Variants in OR10J1 observed in about 807,000 individuals in gnomAD.
The protein encoded by OR10J1 is olfactory receptor 10J1.
For missense variants in OR10J1, 474 were observed against 376.6 expected (o/e 1.26, Z -2.14); for synonymous variants, 202 against 143.8 (o/e 1.40, Z -2.89).
Position 159,440,930 on chromosome 1 carries a change from C to T in OR10J1, c.*209C>T. 3.8e-6 allele frequency: 2 copies of T among 522,300 alleles called. No homozygotes were observed. 32.4% of individuals were successfully genotyped at this position (522,300 alleles called of 1,614,324 possible). ...CTATTTTTGGGGATAAATAGACAAACAAGGATAAGATATGCCTAAATAAAA... is the reference window on the plus strand; with the variant it reads ...CTATTTTTGGGGATAAATAGACAAATAAGGATAAGATATGCCTAAATAAAA... On this transcript the variant is annotated 3_prime_UTR_variant, in exon 1 of 1. Transcript: ENST00000423932.
chr1:159,402,850 A>T, the OR10J1 span, among the ~76,000 whole-genome samples: 1 of 152,140 alleles, frequency 6.6e-6, no homozygotes, highest in Non-Finnish European at 1.5e-5. Flanking sequence ...ACATTACCTG[A>T]CTTCAAATTA....
At chr1:159,422,233 C>CTT in the OR10J1 span, among the ~76,000 whole-genome samples, 3 of 152,098 alleles carry the variant, frequency 2.0e-5, no homozygotes, top group African/African-American at 7.2e-5. Flanking sequence ...GTGGTGCATT[C>CTT]AGGTATTGGC....
chr1:159,405,063 T>C, the OR10J1 span, among the ~76,000 whole-genome samples: 2 of 152,140 alleles, frequency 1.3e-5, no homozygotes, highest in East Asian at 1.9e-4. Flanking sequence ...ATGGGCTCCA[T>C]AGGGTGAGGG....
At chr1:159,432,659 T>C in the OR10J1 span, 1 of 430,738 alleles carries the variant, frequency 2.3e-6, no homozygotes. Flanking sequence ...CCTGGAACAT[T>C]GGCCTGAGCA....
chr1:159,427,371 G>T, the OR10J1 span, among the ~76,000 whole-genome samples: 8 of 151,550 alleles, frequency 5.3e-5, no homozygotes, highest in African/African-American at 1.9e-4. Context: ...TTTAAGTTTG[G>T]ATAGTTGAAG....
the OR10J1 span, among the ~76,000 whole-genome samples, chr1:159,398,388 G>A: frequency 6.6e-6 from 1 of 152,146 alleles, no homozygotes; most frequent in Non-Finnish European, 1.5e-5. Context: ...AGGAAAACAT[G>A]ACCTTACCAA....
upstream of OR10J1, among the ~76,000 whole-genome samples, chr1:159,438,290 G>A (rs376020962): frequency 8.5e-5 from 13 of 152,286 alleles, 1 homozygote; most frequent in South Asian, 2.5e-3. Context: ...TATTTTAGCC[G>A]TGTGTTTCTC....
chr1:159,405,387 C>G, the OR10J1 span: 4,030 of 156,230 alleles, frequency 0.026, 173 homozygotes, highest in African/African-American at 0.092. Context: ...ACTGCCAAAA[C>G]TTTGGAGAAG....
the OR10J1 span, among the ~76,000 whole-genome samples, chr1:159,406,826 G>C: frequency 2.0e-5 from 3 of 152,092 alleles, no homozygotes; most frequent in Non-Finnish European, 4.4e-5. Flanking sequence ...CCATCAGTAT[G>C]AATTGCCAGC....
the OR10J1 span, among the ~76,000 whole-genome samples, chr1:159,411,483 G>A: frequency 3.9e-5 from 6 of 152,168 alleles, no homozygotes; most frequent in African/African-American, 9.6e-5. Context: ...GATCTTTGTT[G>A]GTTTAAAGTC....
chr1:159,399,092 C>T, the OR10J1 span, among the ~76,000 whole-genome samples: 6 of 151,874 alleles, frequency 4.0e-5, no homozygotes, highest in Admixed American at 3.9e-4. Context: ...TGGCAGTGGA[C>T]TTCTCAGTGG....
At chr1:159,427,067 A>G in the OR10J1 span, among the ~76,000 whole-genome samples, 1 of 151,880 alleles carries the variant, frequency 6.6e-6, no homozygotes. Flanking sequence ...TGACTCCTGT[A>G]TTAAGCTTTT....
At chr1:159,410,639 CA>C in the OR10J1 span, among the ~76,000 whole-genome samples, 2 of 151,128 alleles carry the variant, frequency 1.3e-5, no homozygotes, top group East Asian at 2.0e-4. Context: ...TTGATCCTTT[CA>C]AAAAACCAGC....
At chr1:159,407,576 TAGAA>T in the OR10J1 span, among the ~76,000 whole-genome samples, 1 of 152,124 alleles carries the variant, frequency 6.6e-6, no homozygotes, top group Non-Finnish European at 1.5e-5. Flanking sequence ...ATGATGATTT[TAGAA>T]AGAATTGGAA....
At chr1:159,420,528 G>C in the OR10J1 span, among the ~76,000 whole-genome samples, 1 of 152,078 alleles carries the variant, frequency 6.6e-6, no homozygotes, top group African/African-American at 2.4e-5. Context: ...TTTAGTGACA[G>C]TAATCTTTCT....
At chr1:159,439,046 G>C (rs1201224308), upstream of OR10J1, among the ~76,000 whole-genome samples, 3 of 152,212 alleles carry the variant, frequency 2.0e-5, no homozygotes, top group Non-Finnish European at 2.9e-5. Flanking sequence ...ATGTAGCATA[G>C]TTTATAACAT....
At chr1:159,414,242 C>T in the OR10J1 span, among the ~76,000 whole-genome samples, 1 of 152,056 alleles carries the variant, frequency 6.6e-6, no homozygotes, top group Admixed American at 6.6e-5. Context: ...TCATCACCAC[C>T]CTCCTACCCA....
chr1:159,411,557 C>A, the OR10J1 span, among the ~76,000 whole-genome samples: 356 of 152,116 alleles, frequency 2.3e-3, 7 homozygotes, highest in Non-Finnish European at 3.8e-4. Context: ...CTTGGTAGAT[C>A]TTCCTCCATC....
the OR10J1 span, among the ~76,000 whole-genome samples, chr1:159,430,561 C>T: frequency 2.0e-5 from 3 of 151,650 alleles, no homozygotes; most frequent in African/African-American, 7.3e-5. Flanking sequence ...AAAGACCGGA[C>T]CTTTCAACAG....
Sources: gnomAD v4.1 joint callset for allele counts (sites outside exome capture counted in the v4.1 genomes callset) on GRCh38, gnomAD v4.1.1 for gene constraint, MANE v1.5 for transcripts, NCBI Gene and HGNC (gene_info 2026-07-23, HGNC 2026-07-21) for gene names.